PLCL2: variants seen among roughly 807,000 people sequenced by gnomAD.
PLCL2 encodes phospholipase C like 2.
In PLCL2, 4 loss-of-function variants were observed where a neutral mutation model predicts 79.6. The observed-to-expected ratio is 0.05, with a 90% CI of 0.02 to 0.11. PLCL2 has a LOEUF of 0.11. Among genes scored for constraint, PLCL2 ranks in the 10% least tolerant of loss-of-function variants. The probability of loss-of-function intolerance (pLI) is 1.00; values close to 1 mark genes in which losing one functional copy is unlikely to be tolerated. For missense variants in PLCL2, 895 were observed against 1,291.0 expected, an observed-to-expected ratio of 0.69 and a Z score of 4.70; for synonymous variants, 484 against 457.7, an observed-to-expected ratio of 1.06 and a Z score of -0.73.
rs889630014 is a variant in PLCL2, at chr3:17,089,672, T to C, written c.3205-61T>C. The C allele has an allele frequency of 1.8e-5, 17 of 949,896 alleles. No homozygotes were observed. The South Asian group carries it at 2.5e-4, about 14-fold the overall frequency. 58.8% of individuals were successfully genotyped at this position (949,896 alleles called of 1,614,324 possible). ...CTATTTCAGTGAAAGATAGATATTG[T>C]TGAAGTATAACACTAAGTTATGTCA... On this transcript the variant is annotated intron_variant, in intron 5 of 5. Transcript: ENST00000615277.
intron 1 of PLCL2, among the ~76,000 whole-genome samples, chr3:16,964,929 C>G (rs948836568): frequency 1.2e-4 from 19 of 152,060 alleles, no homozygotes; most frequent in Non-Finnish European, 2.2e-4. Flanking sequence ...AGCCCTTTGT[C>G]AGATAAGTAG....
At chr3:17,061,989 G>A (rs748583217) in intron 4 of PLCL2, among the ~76,000 whole-genome samples, 1 of 152,044 alleles carries the variant, frequency 6.6e-6, no homozygotes, top group African/African-American at 2.4e-5. Flanking sequence ...AAGAAATTGC[G>A]GCAGGTTTCC....
chr3:16,962,950 A>C (rs2063769827), intron 1 of PLCL2, among the ~76,000 whole-genome samples: 1 of 152,146 alleles, frequency 6.6e-6, no homozygotes, highest in Non-Finnish European at 1.5e-5. Flanking sequence ...TTTCAAACTT[A>C]AAAAAGGTAA....
intron 1 of PLCL2, among the ~76,000 whole-genome samples, chr3:16,989,740 A>G (rs2064084929): frequency 6.6e-6 from 1 of 152,198 alleles, no homozygotes; most frequent in Non-Finnish European, 1.5e-5. Flanking sequence ...TTAAGTGTCC[A>G]CCCCATAAAT....
intron 1 of PLCL2, among the ~76,000 whole-genome samples, chr3:16,934,014 C>T (rs997704973): frequency 6.6e-6 from 1 of 152,054 alleles, no homozygotes; most frequent in African/African-American, 2.4e-5. Context: ...TTGCAGTGAG[C>T]CCAGATTGCA....
At chr3:16,951,115 G>A (rs1488175909) in intron 1 of PLCL2, among the ~76,000 whole-genome samples, 2 of 151,986 alleles carry the variant, frequency 1.3e-5, no homozygotes, top group Non-Finnish European at 2.9e-5. Context: ...AAACTGAATG[G>A]CTTTCTGTTT....
At chr3:17,036,465 G>C (rs1254755657) in intron 3 of PLCL2, among the ~76,000 whole-genome samples, 1 of 152,090 alleles carries the variant, frequency 6.6e-6, no homozygotes. Context: ...CTCAAATCCC[G>C]ATGTTTTAGA....
chr3:16,906,495 A>G (rs539789451), intron 1 of PLCL2, among the ~76,000 whole-genome samples: 1 of 151,086 alleles, frequency 6.6e-6, no homozygotes, highest in Non-Finnish European at 1.5e-5. Flanking sequence ...TGCAAAGATA[A>G]TAATTTTCAA....
At chr3:16,959,813 G>A (rs889178099) in intron 1 of PLCL2, among the ~76,000 whole-genome samples, 18 of 152,190 alleles carry the variant, frequency 1.2e-4, no homozygotes, top group African/African-American at 4.3e-4. Context: ...TTCTTTAGGT[G>A]TAAGAAGGTC....
At position 17,046,309 on chromosome 3, in the gene PLCL2, TC is replaced by T; in HGVS notation, c.3094+3362del. Among the ~76,000 whole-genome samples the T allele has an allele frequency of 1.3e-5, 2 of 152,338 alleles. 1 individual carries two copies. The highest frequency in any genetic ancestry group is 3.9e-4 in the East Asian group (2 of 5,190). ...AAATTCTTTCAGGGCCAAAGTCTTT[TC>T]CACTTTCTAATATCAGGGCCAAAGT... On this transcript the variant is annotated intron_variant, in intron 4 of 5. Coordinates refer to ENST00000615277, the MANE Select transcript of PLCL2 (RefSeq NM_001144382.2).
intron 2 of PLCL2, among the ~76,000 whole-genome samples, chr3:17,014,027 G>T (rs553076796): frequency 2.0e-5 from 3 of 152,320 alleles, no homozygotes; most frequent in East Asian, 1.9e-4. Flanking sequence ...TTCATAGAAG[G>T]CCAGCTCATG....
At chr3:17,029,391 C>CT (rs143928858) in intron 3 of PLCL2, among the ~76,000 whole-genome samples, 4,320 of 151,704 alleles carry the variant, frequency 0.028, 227 homozygotes, top group African/African-American at 0.1. Context: ...TATAGAAGAG[C>CT]TTAGTGCAGA....
intron 5 of PLCL2, among the ~76,000 whole-genome samples, chr3:17,084,960 G>C (rs1357591896): frequency 1.3e-5 from 2 of 151,980 alleles, no homozygotes; most frequent in African/African-American, 4.8e-5. Flanking sequence ...AAAATAAAAG[G>C]TATATATCTT....
At chr3:16,980,863 C>T (rs1359702843) in intron 1 of PLCL2, among the ~76,000 whole-genome samples, 1 of 152,200 alleles carries the variant, frequency 6.6e-6, no homozygotes, top group Non-Finnish European at 1.5e-5. Context: ...ACTGAGTGAA[C>T]GAGACTCCGT....
chr3:16,939,362 A>G (rs1369113512), intron 1 of PLCL2, among the ~76,000 whole-genome samples: 1 of 152,234 alleles, frequency 6.6e-6, no homozygotes, highest in Non-Finnish European at 1.5e-5. Context: ...TTATTGGGAC[A>G]TGGAACTATG....
At chr3:16,963,822 T>C (rs2124972213) in intron 1 of PLCL2, among the ~76,000 whole-genome samples, 1 of 151,946 alleles carries the variant, frequency 6.6e-6, no homozygotes, top group Non-Finnish European at 1.5e-5. Context: ...TTCTCCTAAG[T>C]GGCTGGTCAG....
At chr3:17,052,007 A>C (rs982455853) in intron 4 of PLCL2, among the ~76,000 whole-genome samples, 2 of 152,110 alleles carry the variant, frequency 1.3e-5, no homozygotes, top group African/African-American at 4.8e-5. Context: ...AGAGGATGCT[A>C]TATGGAAAGG....
intron 5 of PLCL2, among the ~76,000 whole-genome samples, chr3:17,075,816 C>T (rs2124949593): frequency 6.6e-6 from 1 of 152,316 alleles, no homozygotes. Flanking sequence ...TAGCATTGTG[C>T]TTTTGAGTCA....
intron 3 of PLCL2, among the ~76,000 whole-genome samples, chr3:17,040,441 T>C (rs181665613): frequency 6.6e-6 from 1 of 152,312 alleles, no homozygotes; most frequent in Non-Finnish European, 1.5e-5. Flanking sequence ...ACACCCAGCT[T>C]TTCAAGTGGA....
Sources: gnomAD v4.1 joint callset for allele counts (sites outside exome capture counted in the v4.1 genomes callset) on GRCh38, gnomAD v4.1.1 for gene constraint, MANE v1.5 for transcripts, NCBI Gene and HGNC (gene_info 2026-07-23, HGNC 2026-07-21) for gene names.